Variants in RARB observed in about 807,000 individuals in gnomAD.
RARB encodes retinoic acid receptor beta.
Under a neutral mutation model 51.9 loss-of-function variants are expected in RARB, and 17 were observed. The ratio of observed to expected loss-of-function variants is 0.33; its 90% CI spans 0.22 to 0.49. The LOEUF is 0.49. RARB is among the 20% of genes least tolerant of loss of function. RARB has a pLI of 0.99. For synonymous variants in RARB, 215 were observed against 195.4 expected, an observed-to-expected ratio of 1.10 and a Z score of -0.84; for missense variants, 369 against 550.8, an observed-to-expected ratio of 0.67 and a Z score of 3.30.
intron 5 of RARB, among the ~76,000 whole-genome samples, chr3:25,205,066 G>A (rs970676948): frequency 6.6e-6 from 1 of 152,146 alleles, no homozygotes; most frequent in African/African-American, 2.4e-5. Context: ...GCTGTGGTGG[G>A]CTCTACCCGG....
At chr3:25,200,832 T>G (rs138439343) in intron 5 of RARB, among the ~76,000 whole-genome samples, 2 of 152,326 alleles carry the variant, frequency 1.3e-5, no homozygotes, top group South Asian at 2.1e-4. Flanking sequence ...CCATACTGTT[T>G]TGGTTACTGT....
At position 25,164,258 on chromosome 3, in the gene RARB, A is replaced by C. The variant is rs192932073; in HGVS notation, c.-279-9861A>C. ...CGAGAAACTGATGAGAATGGGTCCA[A>C]ATATCACCCATAGCCCACTGGATAT... On this transcript the variant is annotated intron_variant, in intron 4 of 11. Coordinates refer to the RARB transcript ENST00000383772. 2.0e-5 allele frequency among the ~76,000 whole-genome samples: 3 copies of C among 152,286 alleles called. No individual in the cohort carries two copies. In the East Asian group the frequency reaches 5.8e-4, roughly 29 times the overall value.
chr3:24,896,453 G>A (rs1194157964), intron 2 of RARB, among the ~76,000 whole-genome samples: 1 of 152,006 alleles, frequency 6.6e-6, no homozygotes, highest in Non-Finnish European at 1.5e-5. Context: ...TAGAGACAGG[G>A]TTTCACAGTG....
At chr3:25,339,230 C>T (rs1184633719) in intron 5 of RARB, among the ~76,000 whole-genome samples, 1 of 152,190 alleles carries the variant, frequency 6.6e-6, no homozygotes, top group Non-Finnish European at 1.5e-5. Flanking sequence ...CTAAAGCTGC[C>T]TCCTTCCATA....
At chr3:25,183,575 AAGTTTCAGTCACCG>A (rs1219960405) in intron 5 of RARB, among the ~76,000 whole-genome samples, 1 of 152,162 alleles carries the variant, frequency 6.6e-6, no homozygotes, top group Non-Finnish European at 1.5e-5. Flanking sequence ...GTTCATATTC[AAGTTTCAGTCACCG>A]AGGGATTATT....
At chr3:24,994,268 A>G (rs919723326) in intron 2 of RARB, among the ~76,000 whole-genome samples, 1 of 151,360 alleles carries the variant, frequency 6.6e-6, no homozygotes, top group Non-Finnish European at 1.5e-5. Flanking sequence ...GATGTTGGTC[A>G]TTTTTCTATA....
At chr3:25,281,686 G>A (rs752194411) in intron 5 of RARB, among the ~76,000 whole-genome samples, 3 of 152,174 alleles carry the variant, frequency 2.0e-5, no homozygotes, top group South Asian at 2.1e-4. Context: ...AGTAGCCTAA[G>A]CGTCATGCCA....
intron 3 of RARB, among the ~76,000 whole-genome samples, chr3:25,106,744 T>C (rs1470884653): frequency 6.6e-6 from 1 of 152,052 alleles, no homozygotes; most frequent in Admixed American, 6.6e-5. Flanking sequence ...TTAGGGAATG[T>C]GATTTAACTT....
intron 5 of RARB, among the ~76,000 whole-genome samples, chr3:25,419,045 T>C (rs1460501759): frequency 1.6e-5 from 1 of 60,620 alleles, no homozygotes; most frequent in Non-Finnish European, 3.9e-5. Flanking sequence ...AGCCTGTGTA[T>C]TTTTTTTGCT....
intron 3 of RARB, among the ~76,000 whole-genome samples, chr3:25,101,493 T>C (rs1432944825): frequency 6.6e-6 from 1 of 152,088 alleles, no homozygotes; most frequent in Non-Finnish European, 1.5e-5. Flanking sequence ...TAGATTACTG[T>C]TTTGAAAATT....
intron 4 of RARB, among the ~76,000 whole-genome samples, chr3:25,148,603 G>A (rs1363991896): frequency 6.6e-6 from 1 of 152,132 alleles, no homozygotes; most frequent in Non-Finnish European, 1.5e-5. Flanking sequence ...AGCGTGTGGT[G>A]CAGTGGAAAA....
At chr3:25,174,975 T>G (rs1394699034) in intron 5 of RARB, among the ~76,000 whole-genome samples, 1 of 152,184 alleles carries the variant, frequency 6.6e-6, no homozygotes, top group Admixed American at 6.5e-5. Flanking sequence ...TGTGAGATCT[T>G]CTCTGAATCT....
At chr3:25,339,308 G>T (rs1705153158) in intron 5 of RARB, among the ~76,000 whole-genome samples, 1 of 152,154 alleles carries the variant, frequency 6.6e-6, no homozygotes, top group Non-Finnish European at 1.5e-5. Context: ...TAAATACTCT[G>T]TAGCCTCACT....
chr3:25,023,573 T>C (rs1697682660), intron 2 of RARB, among the ~76,000 whole-genome samples: 1 of 152,164 alleles, frequency 6.6e-6, no homozygotes, highest in South Asian at 2.1e-4. Flanking sequence ...CCTTCCTGTG[T>C]ACCAATCAAA....
chr3:25,469,987 C>T (rs1695608629), intron 2 of RARB, among the ~76,000 whole-genome samples: 1 of 152,124 alleles, frequency 6.6e-6, no homozygotes, highest in Non-Finnish European at 1.5e-5. Context: ...GGGAGTGGTG[C>T]TGGGTGCAAG....
At chr3:25,159,709 G>A (rs908375717) in intron 4 of RARB, among the ~76,000 whole-genome samples, 2 of 152,116 alleles carry the variant, frequency 1.3e-5, no homozygotes, top group Non-Finnish European at 2.9e-5. Flanking sequence ...AAAAAGGGGG[G>A]CAGGTCTCAG....
intron 3 of RARB, among the ~76,000 whole-genome samples, chr3:25,539,050 A>G (rs984635258): frequency 6.6e-6 from 1 of 152,222 alleles, no homozygotes; most frequent in African/African-American, 2.4e-5. Flanking sequence ...ATGATCTATG[A>G]ACAGACAACC....
intron 5 of RARB, among the ~76,000 whole-genome samples, chr3:25,192,062 A>G (rs1701117145): frequency 6.6e-6 from 1 of 152,114 alleles, no homozygotes; most frequent in Non-Finnish European, 1.5e-5. Flanking sequence ...AGAGTTTTGA[A>G]TGTTCAAAAT....
intron 5 of RARB, among the ~76,000 whole-genome samples, chr3:25,335,046 T>C (rs1483837): frequency 0.2 from 30,072 of 151,916 alleles, 3,211 homozygotes; most frequent in African/African-American, 0.27. Context: ...TGGTGTTAGG[T>C]GGGGGTGTGA....
Sources: allele counts gnomAD v4.1 joint callset (sites outside exome capture counted in the v4.1 genomes callset), GRCh38; gene constraint gnomAD v4.1.1; transcripts MANE v1.5; gene names NCBI Gene and HGNC (gene_info 2026-07-23, HGNC 2026-07-21).